MCC: variants seen among roughly 807,000 people sequenced by gnomAD.
MCC encodes MCC regulator of Wnt signaling pathway, also known as colorectal mutant cancer protein.
MCC carries 90 observed loss-of-function variants against 116.2 expected under a neutral mutation model. That is an observed-to-expected ratio of 0.77 (90% CI 0.65 to 0.92). The LOEUF (loss-of-function observed/expected upper bound fraction) is 0.92. Among genes scored for constraint, MCC ranks in the 40% least tolerant of loss-of-function variants. MCC has a pLI of 0.00. For missense variants in MCC, 1,516 were observed against 1,312.2 expected, an observed-to-expected ratio of 1.16 and a Z score of -2.40; for synonymous variants, 578 against 510.5, an observed-to-expected ratio of 1.13 and a Z score of -1.78.
intron 3 of MCC, among the ~76,000 whole-genome samples, chr5:113,216,377 T>C (rs1763316698): frequency 6.6e-6 from 1 of 152,244 alleles, no homozygotes. Flanking sequence ...TCTGTCAGTC[T>C]GCTTTTTAAC....
At chr5:113,403,141 G>T (rs1479248607) in intron 1 of MCC, among the ~76,000 whole-genome samples, 2 of 152,102 alleles carry the variant, frequency 1.3e-5, no homozygotes, top group African/African-American at 2.4e-5. Context: ...TAGATGTCAT[G>T]AATATGGCTA....
intron 3 of MCC, among the ~76,000 whole-genome samples, chr5:113,307,399 T>C (rs1767016289): frequency 6.6e-6 from 1 of 152,214 alleles, no homozygotes; most frequent in South Asian, 2.1e-4. Flanking sequence ...ATTTTATTCT[T>C]TTTTAATCTA....
intron 1 of MCC, among the ~76,000 whole-genome samples, chr5:113,400,880 A>T (rs1769664830): frequency 6.6e-6 from 1 of 152,198 alleles, no homozygotes; most frequent in Admixed American, 6.5e-5. Flanking sequence ...CTAATTGAAT[A>T]TTCTAGCAAT....
intron 15 of MCC, among the ~76,000 whole-genome samples, chr5:113,050,434 A>G (rs992263781): frequency 1.3e-5 from 2 of 151,858 alleles, no homozygotes; most frequent in Admixed American, 1.3e-4. Context: ...GGCCTGGTGC[A>G]CTCTCCTGGG....
chr5:113,253,100 C>T (rs1484072996), intron 3 of MCC, among the ~76,000 whole-genome samples: 2 of 152,150 alleles, frequency 1.3e-5, no homozygotes, highest in Admixed American at 6.5e-5. Flanking sequence ...TACCCCAACC[C>T]ACTGGGGCAC....
intron 1 of MCC, among the ~76,000 whole-genome samples, chr5:113,444,367 G>C (rs1771145100): frequency 6.6e-6 from 1 of 152,180 alleles, no homozygotes; most frequent in Non-Finnish European, 1.5e-5. Context: ...GAAAGACAGA[G>C]ATTGGGATTA....
intron 3 of MCC, among the ~76,000 whole-genome samples, chr5:113,285,144 T>C (rs1004737814): frequency 1.3e-5 from 2 of 152,196 alleles, no homozygotes; most frequent in African/African-American, 2.4e-5. Flanking sequence ...ATAATTACTT[T>C]TGACTACAGA....
intron 16 of MCC, among the ~76,000 whole-genome samples, chr5:113,047,151 T>A (rs1752148041): frequency 6.6e-6 from 1 of 152,070 alleles, no homozygotes; most frequent in Non-Finnish European, 1.5e-5. Flanking sequence ...GACATTTGTG[T>A]CTGGCTTCTG....
chr5:113,393,108 G>A (rs977038041), intron 1 of MCC, among the ~76,000 whole-genome samples: 3 of 152,040 alleles, frequency 2.0e-5, no homozygotes, highest in Admixed American at 1.3e-4. Flanking sequence ...AGGTCAAGAA[G>A]CATAAATCTC....
intron 3 of MCC, among the ~76,000 whole-genome samples, chr5:113,339,584 C>T (rs1256664672): frequency 6.6e-6 from 1 of 152,060 alleles, no homozygotes; most frequent in African/African-American, 2.4e-5. Context: ...TTTTTGATAA[C>T]CTTGACAGTT....
At position 113,252,132 on chromosome 5, in the gene MCC, T is replaced by A. The variant is rs147671491; in HGVS notation, c.627+88387A>T. ...CAACACCTAACCAGTGGCTAGATCC[T>A]GTTTACTTCTTAGTGGAATTATCTT... On this transcript the variant is annotated intron_variant, in intron 3 of 18. Transcript: ENST00000408903. Among the ~76,000 whole-genome samples, 9 of 152,310 alleles carry A rather than the reference T, an allele frequency of 5.9e-5. No individual in the cohort carries two copies. The East Asian group carries it at 1.7e-3, about 29-fold the overall frequency.
chr5:113,391,416 C>T (rs906187725), intron 1 of MCC, among the ~76,000 whole-genome samples: 5 of 152,102 alleles, frequency 3.3e-5, no homozygotes, highest in African/African-American at 1.2e-4. Flanking sequence ...GAGATATTGT[C>T]TAAAGTTGGT....
chr5:113,404,397 A>G (rs930240506), intron 1 of MCC, among the ~76,000 whole-genome samples: 1 of 152,228 alleles, frequency 6.6e-6, no homozygotes, highest in Non-Finnish European at 1.5e-5. Flanking sequence ...TGGGAAAATG[A>G]GTCCTGGTCA....
intron 2 of MCC, among the ~76,000 whole-genome samples, chr5:113,349,172 A>G (rs568496724): frequency 1.6e-4 from 25 of 152,220 alleles, no homozygotes; most frequent in Admixed American, 1.2e-3. Flanking sequence ...AAAATAGAGG[A>G]GGATAGAACA....
intron 13 of MCC, 87 bp from the exon 14 acceptor site, chr5:113,064,254 C>A: frequency 2.4e-6 from 3 of 1,254,506 alleles, no homozygotes; most frequent in Non-Finnish European, 2.2e-6. Flanking sequence ...AACTCTGTTA[C>A]TTAGGGCAGA....
At position 113,104,266 on chromosome 5, in the gene MCC, G is replaced by A. The variant is rs1756602664; in HGVS notation, c.1117C>T (p.Leu373Phe). Reference sequence around the variant, plus strand: ...TGCTTGTCCACCTCGGCCACGGAGAGGCTGCAGCTGCTCTTCTTCCTGCCG... The same window carrying A: ...TGCTTGTCCACCTCGGCCACGGAGAAGCTGCAGCTGCTCTTCTTCCTGCCG... ...VCGRKKSSCSLSVAEVDKHIE... is the reference protein window; with the variant it reads ...VCGRKKSSCSFSVAEVDKHIE... The change falls in exon 7 of 19, where the codon CTC (leucine) becomes TTC (phenylalanine). Residue 373 changes from leucine to phenylalanine, a missense_variant. Physicochemically the swap from Leu to Phe is conservative, Grantham distance 22. Coordinates refer to ENST00000408903, the MANE Select transcript of MCC (RefSeq NM_001085377.2). The A allele has an allele frequency of 1.9e-6, 3 of 1,614,096 alleles. No homozygotes were observed. The highest frequency in any genetic ancestry group is 1.7e-4 in the Middle Eastern group (1 of 5,984).
chr5:113,220,296 T>C (rs547078925), intron 3 of MCC, among the ~76,000 whole-genome samples: 1 of 151,986 alleles, frequency 6.6e-6, no homozygotes, highest in Non-Finnish European at 1.5e-5. Flanking sequence ...CCTGACCTCA[T>C]GATCCACCCA....
chr5:113,033,250 C>G (rs1173675000), intron 17 of MCC, among the ~76,000 whole-genome samples: 1 of 152,224 alleles, frequency 6.6e-6, no homozygotes, highest in Admixed American at 6.5e-5. Flanking sequence ...CCAGCTGACT[C>G]TTGTCATCAG....
At chr5:113,322,985 A>G (rs143686792) in intron 3 of MCC, 1 of 152,464 alleles carries the variant, frequency 6.6e-6, no homozygotes, top group Non-Finnish European at 1.5e-5. Flanking sequence ...CATAAAAGAC[A>G]TTGTAGCTCT....
Sources: gnomAD v4.1 joint callset for allele counts (sites outside exome capture counted in the v4.1 genomes callset) on GRCh38, gnomAD v4.1.1 for gene constraint, MANE v1.5 for transcripts, NCBI Gene and HGNC (gene_info 2026-07-23, HGNC 2026-07-21) for gene names.